Variants in SYNE2 observed in about 807,000 individuals in gnomAD.
The protein encoded by SYNE2 is spectrin repeat containing nuclear envelope protein 2, also known as nesprin-2.
In SYNE2, 431 loss-of-function variants were observed where a neutral mutation model predicts 856.3. That is an observed-to-expected ratio of 0.50 (90% CI 0.47 to 0.55). SYNE2 has a LOEUF of 0.55. Among genes scored for constraint, SYNE2 ranks in the 20% least tolerant of loss-of-function variants. SYNE2 has a pLI of 0.00. For missense variants in SYNE2, 8,129 were observed against 8,023.2 expected (o/e 1.01, Z -0.50); for synonymous variants, 2,923 against 2,872.3 (o/e 1.02, Z -0.56).
chr14:64,202,819 G>A lies in SYNE2; in HGVS notation c.18057G>A (p.Glu6019=). 6.2e-7 allele frequency: 1 copy of A among 1,614,112 alleles called. No individual in the cohort carries two copies. Among genetic ancestry groups the A allele is most frequent in the Non-Finnish European group, 8.5e-7 (1 of 1,180,032 alleles). The change falls in exon 100 of 116, where the codon GAG becomes GAA. Residue 6019 remains glutamate, a synonymous_variant. Coordinates refer to ENST00000555002, the MANE Select transcript of SYNE2 (RefSeq NM_182914.3). ...VIGSRVKKLK[E]TFAFIQQLDK... is the part of the protein sequence containing the mutation. ...TGTGTAGGGTGAAGAAGCTGAAGGA[G>A]ACCTTTGCTTTTATTCAGCAGTTGG...
chr14:64,137,281 C>CCTCT (rs1317042858), intron 78 of SYNE2, among the ~76,000 whole-genome samples: 11 of 152,190 alleles, frequency 7.2e-5, no homozygotes, highest in African/African-American at 2.7e-4. Context: ...CTCACTGCAG[C>CCTCT]CTCTACCTCC....
intron 15 of SYNE2, 85 bp from the exon 16 acceptor site, chr14:63,980,901 T>G: frequency 2.7e-6 from 3 of 1,109,606 alleles, no homozygotes; most frequent in Non-Finnish European, 3.9e-6. Flanking sequence ...ATTTTGCCGC[T>G]GTCAATTAAT....
chr14:64,122,693 GA>G (rs936514736), intron 70 of SYNE2, among the ~76,000 whole-genome samples: 35 of 152,162 alleles, frequency 2.3e-4, no homozygotes, highest in African/African-American at 8.4e-4. Flanking sequence ...ATTAGATGGG[GA>G]AGAAAGACAG....
chr14:63,967,172 CT>C (rs1255847482), intron 10 of SYNE2, among the ~76,000 whole-genome samples: 6 of 152,084 alleles, frequency 3.9e-5, no homozygotes, highest in Admixed American at 3.9e-4. Flanking sequence ...CCTGATAACT[CT>C]TAAATACCCA....
rs751330977 is a variant in SYNE2, at chr14:64,052,337, A to G, written c.8424A>G (p.Leu2808=). The change falls in exon 48 of 116, where the codon CTA becomes CTG. Residue 2808 remains leucine (L), a synonymous_variant. Transcript: ENST00000555002. The part of the protein sequence containing the change: ...TYEGSDLNNT[L]EDLRNQYQML... ...AGGGCAGTGATTTAAATAATACCCTAGAGGACTTACGGAATCAATACCAAA... is the reference window on the plus strand; with the variant it reads ...AGGGCAGTGATTTAAATAATACCCTGGAGGACTTACGGAATCAATACCAAA... 6.2e-6 allele frequency: 10 copies of G among 1,614,178 alleles called. No individual in the cohort carries two copies. Among genetic ancestry groups the G allele is most frequent in the Middle Eastern group, 1.6e-4 (1 of 6,062 alleles).
chr14:63,822,696 C>G (rs1889268427), intron 1 of SYNE2, among the ~76,000 whole-genome samples: 1 of 152,220 alleles, frequency 6.6e-6, no homozygotes, highest in Non-Finnish European at 1.5e-5. Flanking sequence ...CTTGAGGGTT[C>G]TGCATAAGCA....
At chr14:64,225,143 T>A in intron 115 of SYNE2, 98 bp downstream of exon 115, 6 of 1,558,700 alleles carry the variant, frequency 3.8e-6, no homozygotes, top group Non-Finnish European at 5.3e-6. Context: ...TGCAAAAATC[T>A]GGTTTTCTTT....
Position 64,049,887 on chromosome 14 carries a change from G to A in SYNE2, c.7643+11G>A, listed in dbSNP as rs888891783. 6.2e-7 allele frequency: 1 copy of A among 1,613,314 alleles called. No individual in the cohort carries two copies. Among genetic ancestry groups the A allele is most frequent in the Non-Finnish European group, 8.5e-7 (1 of 1,179,462 alleles). Reference sequence around the variant, plus strand: ...GGAAAGTCTTAAAGTGTAAGTGTAAGAATTTAGGACTTGCATTCTTTTTAT... The same window carrying A: ...GGAAAGTCTTAAAGTGTAAGTGTAAAAATTTAGGACTTGCATTCTTTTTAT... On this transcript the variant is annotated intron_variant, in intron 47 of 115. Transcript: ENST00000555002.
chr14:63,847,102 G>C (rs1259805710), intron 1 of SYNE2, among the ~76,000 whole-genome samples: 2 of 150,998 alleles, frequency 1.3e-5, no homozygotes, highest in African/African-American at 2.4e-5. Context: ...GATTACAGGC[G>C]TGAGCCACAG....
intron 45 of SYNE2, among the ~76,000 whole-genome samples, chr14:64,036,936 A>C (rs931713836): frequency 6.6e-6 from 1 of 152,102 alleles, no homozygotes. Context: ...AATTATAGCA[A>C]TGAGAATCTA....
At chr14:64,078,933 G>A (rs188047810) in intron 55 of SYNE2, among the ~76,000 whole-genome samples, 10 of 152,264 alleles carry the variant, frequency 6.6e-5, no homozygotes, top group Non-Finnish European at 2.9e-5. Context: ...TTAGCTGGGT[G>A]TGGTGGCACA....
intron 1 of SYNE2, among the ~76,000 whole-genome samples, chr14:63,899,238 G>A (rs1000396112): frequency 4.0e-5 from 6 of 151,614 alleles, no homozygotes; most frequent in East Asian, 3.9e-4. Context: ...GTCTTGCTCC[G>A]TGTGTGTAAG....
intron 45 of SYNE2, among the ~76,000 whole-genome samples, chr14:64,039,039 A>G (rs2097126974): frequency 1.3e-5 from 2 of 152,188 alleles, no homozygotes; most frequent in Non-Finnish European, 2.9e-5. Flanking sequence ...TACGAGTCAC[A>G]TTAACATTTT....
At chr14:63,859,008 A>C (rs994248942) in intron 1 of SYNE2, among the ~76,000 whole-genome samples, 1 of 152,142 alleles carries the variant, frequency 6.6e-6, no homozygotes, top group Non-Finnish European at 1.5e-5. Context: ...TTATGGTGTG[A>C]ATATGGGTGG....
intron 93 of SYNE2, among the ~76,000 whole-genome samples, chr14:64,169,485 T>G (rs2098399840): frequency 1.3e-5 from 2 of 152,250 alleles, no homozygotes; most frequent in African/African-American, 4.8e-5. Context: ...AGTCTGCTAA[T>G]GCTGAGTGAG....
intron 11 of SYNE2, among the ~76,000 whole-genome samples, chr14:63,975,747 G>A (rs749203719): frequency 2.0e-5 from 3 of 152,040 alleles, no homozygotes; most frequent in East Asian, 1.9e-4. Context: ...TCTAATTTTC[G>A]CCTAACTGCT....
At chr14:63,902,052 A>G (rs371550076) in intron 1 of SYNE2, among the ~76,000 whole-genome samples, 5 of 152,304 alleles carry the variant, frequency 3.3e-5, no homozygotes, top group Admixed American at 6.5e-5. Context: ...AGAAGCTTTA[A>G]TGCCACTACA....
intron 6 of SYNE2, among the ~76,000 whole-genome samples, chr14:63,946,692 C>T (rs2096036095): frequency 6.8e-6 from 1 of 146,902 alleles, no homozygotes. Flanking sequence ...TACAGTATAA[C>T]ATAATATATA....
intron 7 of SYNE2, among the ~76,000 whole-genome samples, chr14:63,951,606 C>A (rs748938585): frequency 6.6e-6 from 1 of 152,068 alleles, no homozygotes; most frequent in Non-Finnish European, 1.5e-5. Flanking sequence ...CCCGGCCCAG[C>A]CTTACTTTTC....
Sources: allele counts gnomAD v4.1 joint callset (sites outside exome capture counted in the v4.1 genomes callset), GRCh38; gene constraint gnomAD v4.1.1; transcripts MANE v1.5; gene names NCBI Gene and HGNC (gene_info 2026-07-23, HGNC 2026-07-21).